Variants in ARHGEF38 observed in about 807,000 individuals in gnomAD.
ARHGEF38 encodes Rho guanine nucleotide exchange factor (GEF) 38.
In ARHGEF38, 79 loss-of-function variants were observed where a neutral mutation model predicts 79.9. The ratio of observed to expected loss-of-function variants is 0.99; its 90% CI spans 0.82 to 1.19. ARHGEF38 has a LOEUF of 1.19. Among genes scored for constraint, ARHGEF38 ranks in the 50% most tolerant of loss-of-function variants. The pLI is 0.00. For synonymous variants in ARHGEF38, 366 were observed against 328.3 expected (o/e 1.11, Z -1.24); for missense variants, 962 against 907.2 (o/e 1.06, Z -0.78).
At chr4:105,555,855 C>T (rs1328568943) in intron 1 of ARHGEF38, among the ~76,000 whole-genome samples, 1 of 152,154 alleles carries the variant, frequency 6.6e-6, no homozygotes, top group Non-Finnish European at 1.5e-5. Flanking sequence ...GATACCTAGT[C>T]TATCTGTTCA....
At chr4:105,615,000 G>A (rs1158893217) in intron 3 of ARHGEF38, among the ~76,000 whole-genome samples, 1 of 152,170 alleles carries the variant, frequency 6.6e-6, no homozygotes, top group Non-Finnish European at 1.5e-5. Flanking sequence ...TCTTGAAGAT[G>A]TTATTTGGGC....
chr4:105,584,920 G>A (rs1407642947), intron 1 of ARHGEF38, among the ~76,000 whole-genome samples: 5 of 152,130 alleles, frequency 3.3e-5, no homozygotes, highest in African/African-American at 1.2e-4. Flanking sequence ...TTCTCTAAGA[G>A]ATCGAGGTTC....
At chr4:105,629,377 C>T (rs1461271874) in intron 3 of ARHGEF38, among the ~76,000 whole-genome samples, 3 of 152,186 alleles carry the variant, frequency 2.0e-5, no homozygotes, top group East Asian at 3.9e-4. Flanking sequence ...TTTATTCATC[C>T]TGAATTAATA....
intron 7 of ARHGEF38, among the ~76,000 whole-genome samples, chr4:105,649,139 A>G (rs1039796163): frequency 2.2e-4 from 34 of 152,232 alleles, no homozygotes; most frequent in Admixed American, 2.1e-3. Context: ...CAAAGTGTTT[A>G]GAGGCATAAC....
At chr4:105,597,283 C>T (rs144407404) in intron 2 of ARHGEF38, among the ~76,000 whole-genome samples, 228 of 152,204 alleles carry the variant, frequency 1.5e-3, no homozygotes, top group African/African-American at 5.3e-3. Context: ...ATTTTGCCCA[C>T]ATAACAAATA....
rs1287933395 is a variant in ARHGEF38, at chr4:105,590,117, AGG to A, written c.384+683_384+684del. On this transcript the variant is annotated intron_variant, in intron 2 of 13. Transcript: ENST00000420470. The stretch of plus-strand genomic sequence containing the variant: ...AAGGAAGGAAGGAAGGAAGGAAGGA[AGG>A]AAGGAAGGAAAGAAAGAAAAAAAAG... 4.3e-3 allele frequency among the ~76,000 whole-genome samples: 616 copies of A among 143,190 alleles called. 5 individuals are homozygous for A. The highest frequency in any genetic ancestry group is 0.017 in the African/African-American group (575 of 34,076). 93.9% of individuals were successfully genotyped at this position (143,190 alleles called of 152,430 possible).
chr4:105,631,947 G>T (rs1729211283), intron 4 of ARHGEF38, among the ~76,000 whole-genome samples: 1 of 152,144 alleles, frequency 6.6e-6, no homozygotes, highest in Non-Finnish European at 1.5e-5. Flanking sequence ...GAGAGCTGTG[G>T]TGTATAAGTC....
At chr4:105,606,132 C>A (rs1015744606) in intron 2 of ARHGEF38, among the ~76,000 whole-genome samples, 1 of 151,954 alleles carries the variant, frequency 6.6e-6, no homozygotes. Flanking sequence ...AGATGATGGC[C>A]AAGGAGAATT....
At chr4:105,578,655 A>G (rs1341520887) in intron 1 of ARHGEF38, among the ~76,000 whole-genome samples, 1 of 152,178 alleles carries the variant, frequency 6.6e-6, no homozygotes, top group African/African-American at 2.4e-5. Flanking sequence ...TCCTTTTATC[A>G]TTATAAAATG....
chr4:105,553,756 G>A (rs1298495388), intron 1 of ARHGEF38, among the ~76,000 whole-genome samples: 2 of 152,034 alleles, frequency 1.3e-5, no homozygotes, highest in Non-Finnish European at 2.9e-5. Context: ...TTGATATTGG[G>A]CAGCATTTTA....
intron 7 of ARHGEF38, among the ~76,000 whole-genome samples, chr4:105,652,511 A>G (rs1285010009): frequency 6.6e-6 from 1 of 152,334 alleles, no homozygotes; most frequent in East Asian, 1.9e-4. Context: ...ACTAGTCCTT[A>G]AAAATAAACA....
chr4:105,612,409 T>C (rs1374275269), intron 2 of ARHGEF38, among the ~76,000 whole-genome samples: 1 of 152,128 alleles, frequency 6.6e-6, no homozygotes, highest in Non-Finnish European at 1.5e-5. Context: ...TCACTTGTGC[T>C]ACTCCTCCAT....
chr4:105,678,154 T>C lies in ARHGEF38; in HGVS notation c.*217T>C. 5.2e-6 allele frequency: 2 copies of C among 381,226 alleles called. No homozygotes were observed. Among genetic ancestry groups the C allele is most frequent in the Non-Finnish European group, 9.2e-6 (2 of 217,836 alleles). 23.6% of individuals were successfully genotyped at this position (381,226 alleles called of 1,614,324 possible). ...GAAAGAAATACTAAGCCAACAGAAATAGCAAAGCAAATGACCCAAGCTTCA... is the reference window on the plus strand; with the variant it reads ...GAAAGAAATACTAAGCCAACAGAAACAGCAAAGCAAATGACCCAAGCTTCA... On this transcript the variant is annotated 3_prime_UTR_variant, in exon 14 of 14. Transcript: ENST00000420470.
intron 10 of ARHGEF38, among the ~76,000 whole-genome samples, chr4:105,661,904 G>A (rs1034671284): frequency 4.0e-5 from 6 of 151,788 alleles, no homozygotes; most frequent in East Asian, 1.9e-4. Context: ...TATTTCCAAC[G>A]TTTTTTTATT....
At chr4:105,560,404 A>G (rs559192049) in intron 1 of ARHGEF38, among the ~76,000 whole-genome samples, 1 of 152,322 alleles carries the variant, frequency 6.6e-6, no homozygotes, top group Non-Finnish European at 1.5e-5. Flanking sequence ...ATAAAACTTA[A>G]TATATATCAG....
chr4:105,624,187 CA>C (rs751874452), intron 3 of ARHGEF38, among the ~76,000 whole-genome samples: 53 of 152,250 alleles, frequency 3.5e-4, no homozygotes, highest in Non-Finnish European at 5.9e-4. Flanking sequence ...CCAATGGACA[CA>C]TATTTTTTCT....
rs781443293 is a variant in ARHGEF38, at chr4:105,654,178, G to A, written c.1113+9G>A. 32 of 1,420,282 alleles carry A rather than the reference G, an allele frequency of 2.3e-5. No individual in the cohort carries two copies. Among genetic ancestry groups the A allele is most frequent in the Non-Finnish European group, 1.9e-5 (20 of 1,064,510 alleles). 88.0% of individuals were successfully genotyped at this position (1,420,282 alleles called of 1,614,324 possible). A position where few individuals can be genotyped will look rare whatever the true frequency, so the allele number is the denominator to read the frequency against. On this transcript the variant is annotated intron_variant, in intron 8 of 13. Transcript: ENST00000420470. ...GTCTTCAACACATACAGGTAGGTGA[G>A]ACACAACTGTTTTCAGTGTTCTACA...
At chr4:105,660,633 T>C (rs1339840082) in intron 10 of ARHGEF38, among the ~76,000 whole-genome samples, 1 of 151,992 alleles carries the variant, frequency 6.6e-6, no homozygotes, top group Non-Finnish European at 1.5e-5. Flanking sequence ...AGAGACGGGG[T>C]TTCTCCATTT....
chr4:105,679,908 C>A lies in ARHGEF38; in HGVS notation c.*1971C>A. On this transcript the variant is annotated 3_prime_UTR_variant, in exon 14 of 14. Transcript: ENST00000420470. ...CCACGAGGAGCCACATTGGTTGCCA[C>A]CAAAACTTTATAATTACCTCTCTGA... The A allele has an allele frequency of 1.4e-6, 2 of 1,423,932 alleles. No individual in the cohort carries two copies. The highest frequency in any genetic ancestry group is 1.1e-5 in the South Asian group (1 of 87,050). The allele number at this position is 1,423,932 out of a possible 1,614,324, so 88.2% of individuals were successfully genotyped here. A position where few individuals can be genotyped will look rare whatever the true frequency, so the allele number is the denominator to read the frequency against.
Sources: allele counts gnomAD v4.1 joint callset (sites outside exome capture counted in the v4.1 genomes callset), GRCh38; gene constraint gnomAD v4.1.1; transcripts MANE v1.5; gene names NCBI Gene and HGNC (gene_info 2026-07-23, HGNC 2026-07-21).